The following MIPOL1 variants were observed in gnomAD, a reference collection of about 807,000 sequenced individuals.
MIPOL1 encodes mirror-image polydactyly gene 1 protein.
MIPOL1 carries 57 observed loss-of-function variants against 60.9 expected under a neutral mutation model. That is an observed-to-expected ratio of 0.94 (90% confidence interval 0.76 to 1.17). MIPOL1 has a LOEUF of 1.17. Among genes scored for constraint, MIPOL1 ranks in the 50% most tolerant of loss-of-function variants. MIPOL1 has a pLI of 0.00. For missense variants in MIPOL1, 551 were observed against 511.6 expected (o/e 1.08, Z -0.74); for synonymous variants, 179 against 168.8 (o/e 1.06, Z -0.47).
At chr14:37,298,758 A>G (rs1289319083) in intron 7 of MIPOL1, among the ~76,000 whole-genome samples, 2 of 151,994 alleles carry the variant, frequency 1.3e-5, no homozygotes, top group Admixed American at 1.3e-4. Context: ...ATACCATCTC[A>G]CACCAGTTAG....
chr14:37,230,840 C>T (rs542911201), intron 1 of MIPOL1, among the ~76,000 whole-genome samples: 39 of 152,044 alleles, frequency 2.6e-4, no homozygotes, highest in African/African-American at 8.7e-4. Flanking sequence ...GGAATGCAGC[C>T]GATGAGATAA....
chr14:37,284,698 G>A (rs2084408156), intron 6 of MIPOL1, among the ~76,000 whole-genome samples: 1 of 152,122 alleles, frequency 6.6e-6, no homozygotes, highest in Non-Finnish European at 1.5e-5. Context: ...TGGTAGAGTT[G>A]CTTTACTTTG....
intron 3 of MIPOL1, among the ~76,000 whole-genome samples, chr14:37,260,188 T>C (rs551674343): frequency 1.3e-5 from 2 of 151,582 alleles, no homozygotes; most frequent in South Asian, 4.2e-4. Flanking sequence ...GGAGGATTGC[T>C]TGAGCTCAGG....
At chr14:37,376,185 C>G (rs2092772129) in intron 10 of MIPOL1, among the ~76,000 whole-genome samples, 1 of 152,184 alleles carries the variant, frequency 6.6e-6, no homozygotes, top group Admixed American at 6.5e-5. Context: ...TACATTGACA[C>G]ATCATTGTAA....
At chr14:37,270,204 T>G (rs980413481) in intron 5 of MIPOL1, among the ~76,000 whole-genome samples, 4 of 152,154 alleles carry the variant, frequency 2.6e-5, no homozygotes, top group African/African-American at 9.7e-5. Context: ...ACACATAAAT[T>G]AAGTGTATAT....
At chr14:37,527,561 T>C (rs374772842) in intron 12 of MIPOL1, among the ~76,000 whole-genome samples, 1 of 152,126 alleles carries the variant, frequency 6.6e-6, no homozygotes, top group Non-Finnish European at 1.5e-5. Context: ...CCTTCAGGGA[T>C]AGAACAAACA....
intron 1 of MIPOL1, among the ~76,000 whole-genome samples, chr14:37,215,256 T>G (rs968606717): frequency 6.6e-6 from 1 of 151,922 alleles, no homozygotes; most frequent in Non-Finnish European, 1.5e-5. Context: ...CCTGCCCCCT[T>G]GTCTTGTATC....
chr14:37,210,063 GTA>G (rs1341969772), intron 1 of MIPOL1, among the ~76,000 whole-genome samples: 1 of 151,908 alleles, frequency 6.6e-6, no homozygotes, highest in Non-Finnish European at 1.5e-5. Flanking sequence ...ATAATATCTT[GTA>G]TGTATGTGTT....
At chr14:37,327,461 A>AT (rs1231924505) in intron 9 of MIPOL1, among the ~76,000 whole-genome samples, 1 of 151,818 alleles carries the variant, frequency 6.6e-6, no homozygotes, top group Non-Finnish European at 1.5e-5. Context: ...CTACTTTTTG[A>AT]TTTTTTTGTA....
intron 11 of MIPOL1, among the ~76,000 whole-genome samples, chr14:37,431,881 G>C (rs1046530945): frequency 6.6e-6 from 1 of 151,866 alleles, no homozygotes; most frequent in African/African-American, 2.4e-5. Flanking sequence ...CACTACGCCC[G>C]GCCCTGTTTC....
chr14:37,483,419 A>G (rs1348859741), intron 11 of MIPOL1, among the ~76,000 whole-genome samples: 1 of 151,934 alleles, frequency 6.6e-6, no homozygotes, highest in Non-Finnish European at 1.5e-5. Context: ...ACAGCCAACA[A>G]CAATCCTTCT....
At chr14:37,297,286 G>A (rs1594978919) in intron 7 of MIPOL1, among the ~76,000 whole-genome samples, 2 of 152,208 alleles carry the variant, frequency 1.3e-5, no homozygotes, top group Non-Finnish European at 1.5e-5. Context: ...AATAAATTAG[G>A]TATTGATGGG....
intron 12 of MIPOL1, among the ~76,000 whole-genome samples, chr14:37,532,627 A>T (rs2095486465): frequency 6.6e-6 from 1 of 152,200 alleles, no homozygotes; most frequent in Non-Finnish European, 1.5e-5. Flanking sequence ...AAGGATTTTC[A>T]GAAACTCTAC....
rs147973491 is a variant in MIPOL1, at chr14:37,457,072, G to A, written c.1031+34123G>A. 3.4e-3 allele frequency among the ~76,000 whole-genome samples: 520 copies of A among 152,128 alleles called. 2 individuals carry two copies. Among genetic ancestry groups the A allele is most frequent in the Non-Finnish European group, 4.8e-3 (324 of 67,964 alleles). ...AGCTATACATAATGTAAAAAGACTC[G>A]TCATGAAAAGATAAAATTTGAAATA... On this transcript the variant is annotated intron_variant, in intron 11 of 12. Transcript: ENST00000684589.
At chr14:37,418,968 C>T (rs2093820855) in intron 10 of MIPOL1, among the ~76,000 whole-genome samples, 1 of 151,770 alleles carries the variant, frequency 6.6e-6, no homozygotes, top group Admixed American at 6.6e-5. Context: ...GCACACTTAC[C>T]ACAGGACTCA....
chr14:37,522,062 CAATTT>C lies in MIPOL1; in HGVS notation c.1262+21927_1262+21931del, dbSNP rs199801987. Among the ~76,000 whole-genome samples, 1,325 of 146,818 alleles carry C rather than the reference CAATTT, an allele frequency of 9.0e-3. 70 individuals carry two copies. Among genetic ancestry groups the C allele is most frequent in the Admixed American group, 0.081 (1,217 of 15,110 alleles). On this transcript the variant is annotated intron_variant, in intron 12 of 12. Transcript: ENST00000684589. ...TTTTGCTCAACCCTTTTACTCTCAT[CAATTT>C]AACACATTTTATTGTTTAAAAGTAT...
At chr14:37,203,549 A>T (rs1360288669) in intron 1 of MIPOL1, among the ~76,000 whole-genome samples, 1 of 152,164 alleles carries the variant, frequency 6.6e-6, no homozygotes, top group East Asian at 1.9e-4. Context: ...GGTGAACTAG[A>T]CCTAGAGGCT....
chr14:37,345,715 T>G (rs2090902031), intron 9 of MIPOL1, among the ~76,000 whole-genome samples: 1 of 152,162 alleles, frequency 6.6e-6, no homozygotes, highest in African/African-American at 2.4e-5. Flanking sequence ...GGGTCCTCAT[T>G]GCTACTGAAT....
At chr14:37,324,446 G>A (rs1383126846) in intron 9 of MIPOL1, among the ~76,000 whole-genome samples, 2 of 152,026 alleles carry the variant, frequency 1.3e-5, no homozygotes, top group Admixed American at 1.3e-4. Flanking sequence ...GGTTCTGGAT[G>A]TGGTTCTGAT....
Sources: gnomAD v4.1 joint callset for allele counts (sites outside exome capture counted in the v4.1 genomes callset) on GRCh38, gnomAD v4.1.1 for gene constraint, MANE v1.5 for transcripts, NCBI Gene and HGNC (gene_info 2026-07-23, HGNC 2026-07-21) for gene names.